Variants in RBFOX1 observed in about 807,000 individuals in gnomAD.
The protein encoded by RBFOX1 is RNA binding fox-1 homolog 1, also known as RNA binding protein fox-1 homolog 1.
In RBFOX1, 8 loss-of-function variants were observed where a neutral mutation model predicts 57.7. That is an observed-to-expected ratio of 0.14 (90% CI 0.08 to 0.25). The LOEUF is 0.25. Ranked by LOEUF, RBFOX1 falls within the 10% of genes least tolerant of loss-of-function variation. The pLI, the probability that RBFOX1 is intolerant of heterozygous loss-of-function variation, is 1.00. For missense variants in RBFOX1, 611 were observed against 548.5 expected, an observed-to-expected ratio of 1.11 and a Z score of -1.14; for synonymous variants, 326 against 222.4, an observed-to-expected ratio of 1.47 and a Z score of -4.15.
At chr16:5,967,525 T>C (rs1370926517) in intron 4 of RBFOX1, among the ~76,000 whole-genome samples, 4 of 152,162 alleles carry the variant, frequency 2.6e-5, no homozygotes, top group African/African-American at 9.7e-5. Flanking sequence ...TGTTACTGAG[T>C]TATTCATCGT....
intron 14 of RBFOX1, among the ~76,000 whole-genome samples, chr16:7,680,393 G>A (rs1039429081): frequency 3.9e-5 from 6 of 152,152 alleles, no homozygotes; most frequent in South Asian, 2.1e-4. Context: ...CATTTGTCAT[G>A]CTTGTCCTGC....
At chr16:6,322,376 TC>T (rs1255814888) in intron 2 of RBFOX1, among the ~76,000 whole-genome samples, 2 of 152,324 alleles carry the variant, frequency 1.3e-5, no homozygotes, top group East Asian at 3.9e-4. Flanking sequence ...GGCAAGTTCA[TC>T]TCTTGATATC....
intron 4 of RBFOX1, among the ~76,000 whole-genome samples, chr16:5,959,507 G>A (rs924020961): frequency 6.6e-6 from 1 of 152,144 alleles, no homozygotes; most frequent in Non-Finnish European, 1.5e-5. Flanking sequence ...CTCATTTTGA[G>A]TGCATGGGGT....
chr16:6,659,841 C>G (rs908315302), intron 3 of RBFOX1, among the ~76,000 whole-genome samples: 1 of 152,126 alleles, frequency 6.6e-6, no homozygotes, highest in Non-Finnish European at 1.5e-5. Context: ...AGCACTGGAA[C>G]TGGAGTGCTG....
At chr16:5,421,878 G>T (rs979498725) in intron 1 of RBFOX1, among the ~76,000 whole-genome samples, 1 of 152,182 alleles carries the variant, frequency 6.6e-6, no homozygotes, top group Non-Finnish European at 1.5e-5. Flanking sequence ...AGGCATGCTC[G>T]TGGTTAGGGA....
chr16:5,249,183 T>A (rs1317651958), intron 1 of RBFOX1, among the ~76,000 whole-genome samples: 1 of 152,140 alleles, frequency 6.6e-6, no homozygotes, highest in Non-Finnish European at 1.5e-5. Context: ...TTCCTTTTCC[T>A]TGTGTTCAGG....
chr16:5,616,986 A>T (rs929797510), intron 3 of RBFOX1, among the ~76,000 whole-genome samples: 5 of 150,704 alleles, frequency 3.3e-5, no homozygotes, highest in Admixed American at 2.0e-4. Flanking sequence ...GTTCCAAGTG[A>T]AACTGGCCGG....
chr16:7,543,802 C>T (rs1366152688), intron 5 of RBFOX1, among the ~76,000 whole-genome samples: 3 of 151,836 alleles, frequency 2.0e-5, no homozygotes, highest in South Asian at 2.1e-4. Flanking sequence ...CTCACTGCAA[C>T]CTCTACCTCC....
At chr16:6,501,051 A>AGTCT (rs1371109637) in intron 2 of RBFOX1, among the ~76,000 whole-genome samples, 1 of 148,430 alleles carries the variant, frequency 6.7e-6, no homozygotes, top group Non-Finnish European at 1.5e-5. Flanking sequence ...TGCCCATGGG[A>AGTCT]GTCTGCCCCT....
rs962470320 is a variant in RBFOX1, at chr16:6,961,031, T to G, written c.-15-91026T>G. Among the ~76,000 whole-genome samples, 4 of 148,960 alleles carry G rather than the reference T, an allele frequency of 2.7e-5. No individual in the cohort carries two copies. The East Asian group carries it at 7.9e-4, about 30-fold the overall frequency. On this transcript the variant is annotated intron_variant, in intron 3 of 15. Transcript: ENST00000550418. ...TGGTGGCCAGCAACTATAGTCCAGC[T>G]ACTCAGGAGGCTGAGGCAGGAGAAT...
chr16:5,734,423 G>C (rs888086899), intron 3 of RBFOX1, among the ~76,000 whole-genome samples: 1 of 152,060 alleles, frequency 6.6e-6, no homozygotes, highest in Non-Finnish European at 1.5e-5. Flanking sequence ...ACAAGATTCT[G>C]CCAAAAAATA....
intron 4 of RBFOX1, among the ~76,000 whole-genome samples, chr16:7,152,976 C>G (rs1165964385): frequency 1.3e-5 from 2 of 152,128 alleles, no homozygotes; most frequent in Non-Finnish European, 2.9e-5. Flanking sequence ...GTGCATAAAA[C>G]CTATTTATTC....
intron 3 of RBFOX1, among the ~76,000 whole-genome samples, chr16:5,671,401 C>T (rs574982457): frequency 2.6e-5 from 4 of 152,190 alleles, no homozygotes; most frequent in South Asian, 4.1e-4. Flanking sequence ...ATACACTTCA[C>T]TGAGGCATTT....
At chr16:7,586,684 G>A (rs940759053) in intron 6 of RBFOX1, among the ~76,000 whole-genome samples, 3 of 152,306 alleles carry the variant, frequency 2.0e-5, no homozygotes, top group Middle Eastern at 3.4e-3. Flanking sequence ...GAATTATCTT[G>A]AGAGAATTTC....
chr16:6,882,471 G>C (rs1002207750), intron 3 of RBFOX1, among the ~76,000 whole-genome samples: 2 of 152,082 alleles, frequency 1.3e-5, no homozygotes, highest in Non-Finnish European at 2.9e-5. Context: ...GTACGTGCTT[G>C]TAATCCCAGC....
At chr16:5,499,828 C>CT (rs1399289214) in intron 2 of RBFOX1, among the ~76,000 whole-genome samples, 4 of 152,138 alleles carry the variant, frequency 2.6e-5, no homozygotes, top group African/African-American at 9.7e-5. Context: ...CTGCCTTGGC[C>CT]TCCCAAAGTG....
chr16:6,233,164 G>A (rs2097478526), intron 1 of RBFOX1, among the ~76,000 whole-genome samples: 2 of 152,186 alleles, frequency 1.3e-5, no homozygotes, highest in Admixed American at 6.5e-5. Context: ...AGCAGGTTAT[G>A]TATTGTGATT....
intron 14 of RBFOX1, among the ~76,000 whole-genome samples, chr16:7,700,654 G>C (rs998306382): frequency 1.3e-5 from 2 of 152,206 alleles, no homozygotes; most frequent in South Asian, 4.1e-4. Context: ...ATGGCCTTGA[G>C]CTCTGCATTA....
chr16:7,256,304 C>G (rs2094680851), intron 4 of RBFOX1, among the ~76,000 whole-genome samples: 1 of 152,168 alleles, frequency 6.6e-6, no homozygotes, highest in Non-Finnish European at 1.5e-5. Context: ...AGCCTCACCT[C>G]CACAGTCAGC....
Sources: allele counts gnomAD v4.1 joint callset (sites outside exome capture counted in the v4.1 genomes callset), GRCh38; gene constraint gnomAD v4.1.1; transcripts MANE v1.5; gene names NCBI Gene and HGNC (gene_info 2026-07-23, HGNC 2026-07-21).